Variants in PLCH1 observed in about 807,000 individuals in gnomAD.
PLCH1 encodes phospholipase C eta 1.
Under a neutral mutation model 126.7 loss-of-function variants are expected in PLCH1, and 60 were observed. The observed-to-expected ratio is 0.47, with a 90% CI of 0.38 to 0.59. The LOEUF (loss-of-function observed/expected upper bound fraction) is 0.59. Among genes scored for constraint, PLCH1 ranks in the 20% least tolerant of loss-of-function variants. The probability of loss-of-function intolerance (pLI) is 0.00; values close to 1 mark genes in which losing one functional copy is unlikely to be tolerated. For synonymous variants in PLCH1, 719 were observed against 734.9 expected, an observed-to-expected ratio of 0.98 and a Z score of 0.35; for missense variants, 1,723 against 2,040.0, an observed-to-expected ratio of 0.84 and a Z score of 2.99.
chr3:155,582,834 A>T (rs1195234100), intron 6 of PLCH1, among the ~76,000 whole-genome samples: 3 of 152,262 alleles, frequency 2.0e-5, no homozygotes, highest in Admixed American at 1.3e-4. Flanking sequence ...TTTAAAAAGC[A>T]GACTGAGAAG....
rs1315165540 is a variant in PLCH1 at position 155,594,145 on chromosome 3, T to G, written c.266A>C (p.Gln89Pro). ...DSIYKVTEGR[Q>P]SEIFHRQAEG... ...AGCTTGTCTGTGGAATATTTCAGAC[T>G]GCCGGCCCTCAGTCACTTTGTAAAT... The change falls in exon 4 of 23, where the codon CAG (glutamine) becomes CCG (proline). Residue 89 changes from glutamine to proline, a missense_variant. Gln to Pro is a moderately conservative substitution (Grantham distance 76). This residue lies in a region of PLCH1 where 776 missense variants were observed against 1,062.9 expected (regional missense o/e 0.73). Coordinates refer to ENST00000460012, the MANE Select transcript of PLCH1 (RefSeq NM_014996.4). 1 of 1,614,014 alleles carries G rather than the reference T, an allele frequency of 6.2e-7. No individual in the cohort carries two copies. The highest frequency in any genetic ancestry group is 2.2e-5 in the East Asian group (1 of 44,882).
Position 155,545,624 on chromosome 3 carries a change from A to G in PLCH1, c.1362+4163T>C, listed in dbSNP as rs970272507. The stretch of plus-strand genomic sequence containing the variant: ...AGACCAATATCCTTGATGAACATCA[A>G]TGCAAAAATTCTCAATAAAATACTG... On this transcript the variant is annotated intron_variant, in intron 10 of 22. Coordinates refer to ENST00000460012, the MANE Select transcript of PLCH1 (RefSeq NM_014996.4). 7.8e-4 allele frequency among the ~76,000 whole-genome samples: 119 copies of G among 152,384 alleles called. 2 individuals carry two copies. The highest frequency in any genetic ancestry group is 2.8e-3 in the African/African-American group (116 of 41,588).
intron 2 of PLCH1, among the ~76,000 whole-genome samples, chr3:155,634,959 T>C (rs1312304254): frequency 1.3e-5 from 2 of 152,160 alleles, no homozygotes; most frequent in African/African-American, 4.8e-5. Context: ...GCTGTGGGTC[T>C]TGGAAAAGAT....
intron 2 of PLCH1, among the ~76,000 whole-genome samples, chr3:155,618,021 G>C (rs3908138): frequency 0.49 from 74,530 of 152,050 alleles, 20,610 homozygotes; most frequent in African/African-American, 0.74. Context: ...AAAGTTCTAA[G>C]AATGCCAATT....
intron 1 of PLCH1, among the ~76,000 whole-genome samples, chr3:155,707,972 G>A (rs1333628083): frequency 1.3e-5 from 2 of 152,160 alleles, no homozygotes; most frequent in Non-Finnish European, 2.9e-5. Flanking sequence ...AATGCCCCCA[G>A]GAATCTCTCC....
Position 155,654,784 on chromosome 3 carries a change from T to C in PLCH1, c.79+49362A>G, listed in dbSNP as rs189868871. On this transcript the variant is annotated intron_variant, in intron 2 of 22. Transcript: ENST00000460012. ...CATCTCATAGTAAGTCCATCCTCCATGGTGCAGTCTAAGAGGTCCCTTAAA... is the reference window on the plus strand; with the variant it reads ...CATCTCATAGTAAGTCCATCCTCCACGGTGCAGTCTAAGAGGTCCCTTAAA... Among the ~76,000 whole-genome samples, 20 of 152,326 alleles carry C rather than the reference T, an allele frequency of 1.3e-4. No individual in the cohort carries two copies. In the East Asian group the frequency reaches 3.9e-3, roughly 29 times the overall value.
chr3:155,684,178 C>T (rs1330242268), intron 2 of PLCH1, among the ~76,000 whole-genome samples: 1 of 152,168 alleles, frequency 6.6e-6, no homozygotes, highest in African/African-American at 2.4e-5. Context: ...ACGCAAACCC[C>T]CTACCCCCTT....
At chr3:155,586,005 T>C in intron 5 of PLCH1, 60 bp downstream of exon 5, 1 of 1,461,226 alleles carries the variant, frequency 6.8e-7, no homozygotes, top group South Asian at 1.1e-5. Flanking sequence ...TTAATATACC[T>C]AAGTATGTTA....
intron 7 of PLCH1, among the ~76,000 whole-genome samples, chr3:155,566,719 C>G (rs1728589696): frequency 6.6e-6 from 1 of 152,014 alleles, no homozygotes; most frequent in African/African-American, 2.4e-5. Context: ...TTAGAAAACC[C>G]TATCAGTTTT....
intron 21 of PLCH1, among the ~76,000 whole-genome samples, chr3:155,470,070 G>A (rs1713128433): frequency 1.3e-5 from 2 of 152,148 alleles, no homozygotes; most frequent in African/African-American, 4.8e-5. Flanking sequence ...AACAAAGCTG[G>A]ATGGAGAATG....
chr3:155,732,712 CACTA>C (rs1277133440), intron 1 of PLCH1, among the ~76,000 whole-genome samples: 1 of 151,360 alleles, frequency 6.6e-6, no homozygotes, highest in Non-Finnish European at 1.5e-5. Flanking sequence ...ACCCCATCTC[CACTA>C]AAAATACAAA....
chr3:155,649,704 C>T (rs1577238731), intron 2 of PLCH1, among the ~76,000 whole-genome samples: 3 of 152,128 alleles, frequency 2.0e-5, no homozygotes, highest in South Asian at 4.1e-4. Flanking sequence ...AATGGCCGGG[C>T]GCGGTGGCTC....
At chr3:155,732,788 GA>G (rs1748868172) in intron 1 of PLCH1, among the ~76,000 whole-genome samples, 1 of 147,758 alleles carries the variant, frequency 6.8e-6, no homozygotes, top group African/African-American at 2.5e-5. Flanking sequence ...TGAGGCAGGA[GA>G]ATCACTTGAA....
chr3:155,683,080 TCAGTGGA>T (rs1472354542), intron 2 of PLCH1, among the ~76,000 whole-genome samples: 3 of 152,214 alleles, frequency 2.0e-5, no homozygotes, highest in Non-Finnish European at 4.4e-5. Flanking sequence ...CTGACATGCA[TCAGTGGA>T]CAGTAATTGC....
intron 2 of PLCH1, among the ~76,000 whole-genome samples, chr3:155,598,455 G>C (rs542865883): frequency 3.0e-4 from 46 of 152,238 alleles, no homozygotes; most frequent in Middle Eastern, 6.8e-3. Context: ...ACTGACCACT[G>C]ACAATAGATC....
chr3:155,497,004 G>A (rs527621057), intron 15 of PLCH1, among the ~76,000 whole-genome samples: 3 of 152,204 alleles, frequency 2.0e-5, no homozygotes, highest in Non-Finnish European at 4.4e-5. Context: ...CTCAAGCCGG[G>A]CCTGGACTTC....
At chr3:155,703,437 G>A (rs1746421289) in intron 2 of PLCH1, among the ~76,000 whole-genome samples, 2 of 152,164 alleles carry the variant, frequency 1.3e-5, no homozygotes, top group African/African-American at 4.8e-5. Context: ...TCACCCTGGG[G>A]TATCTTGACA....
At chr3:155,663,090 G>A (rs1475523914) in intron 2 of PLCH1, among the ~76,000 whole-genome samples, 1 of 152,134 alleles carries the variant, frequency 6.6e-6, no homozygotes, top group Non-Finnish European at 1.5e-5. Context: ...CAGCTCCATC[G>A]TAGGACACTA....
intron 21 of PLCH1, among the ~76,000 whole-genome samples, chr3:155,453,913 C>A (rs1286462675): frequency 6.6e-6 from 1 of 151,490 alleles, no homozygotes; most frequent in Non-Finnish European, 1.5e-5. Context: ...AGGATGGATA[C>A]AGGGAGGGAA....
Sources: gnomAD v4.1 joint callset for allele counts (sites outside exome capture counted in the v4.1 genomes callset) on GRCh38, gnomAD v4.1.1 for gene constraint, gnomAD v4.1.1 regional missense constraint, MANE v1.5 for transcripts, NCBI Gene and HGNC (gene_info 2026-07-23, HGNC 2026-07-21) for gene names.